AHCTF1: variants seen among roughly 807,000 people sequenced by gnomAD.
The protein encoded by AHCTF1 is AT-hook containing transcription factor 1, also known as protein ELYS.
Under a neutral mutation model 248.4 loss-of-function variants are expected in AHCTF1, and 24 were observed. That is an observed-to-expected ratio of 0.10 (90% confidence interval 0.07 to 0.14). AHCTF1 has a LOEUF of 0.14. AHCTF1 is among the 10% of genes least tolerant of loss of function. AHCTF1 has a pLI of 1.00. For missense variants in AHCTF1, 2,206 were observed against 2,636.2 expected (o/e 0.84, Z 3.57); for synonymous variants, 786 against 929.8 (o/e 0.85, Z 2.81).
chr1:246,907,231 T>C (rs1211094374), intron 5 of AHCTF1, among the ~76,000 whole-genome samples: 2 of 152,214 alleles, frequency 1.3e-5, no homozygotes, highest in Non-Finnish European at 2.9e-5. Flanking sequence ...ATGAGACCCC[T>C]TTCTTACATA....
intron 15 of AHCTF1, 134 bp from the exon 16 acceptor site, chr1:246,891,194 T>C (rs1005419352): frequency 1.9e-6 from 1 of 531,186 alleles, no homozygotes; most frequent in Admixed American, 4.1e-5. Context: ...GTTCAAGATA[T>C]ATGTATCTCT....
At chr1:246,931,338 T>C (rs1400022896) in intron 1 of AHCTF1, 3 of 1,543,002 alleles carry the variant, frequency 1.9e-6, no homozygotes, top group Non-Finnish European at 2.6e-6. Flanking sequence ...GTGCCGCCGC[T>C]CCTCCGGTCC....
At chr1:246,882,040 C>CA (rs1476040402) in intron 21 of AHCTF1, among the ~76,000 whole-genome samples, 2 of 146,994 alleles carry the variant, frequency 1.4e-5, no homozygotes, top group Non-Finnish European at 3.0e-5. Flanking sequence ...CTCTGTCGCC[C>CA]AGGCTGGAGT....
chr1:246,923,553 T>G (rs1047114944), intron 1 of AHCTF1, among the ~76,000 whole-genome samples: 1 of 152,090 alleles, frequency 6.6e-6, no homozygotes, highest in East Asian at 1.9e-4. Flanking sequence ...GTTCAGCAGA[T>G]GGTAAAAAGC....
At position 246,894,202 on chromosome 1, in the gene AHCTF1, C is replaced by CA. The variant is rs572018579; in HGVS notation, c.1804+456dup. On this transcript the variant is annotated intron_variant, in intron 14 of 35. Transcript: ENST00000648844. ...CTGGGCAAAAAGTGAGACCATGTCT[C>CA]AAAAAAAAAAATTACTTTTATCACT... 4.0e-4 allele frequency among the ~76,000 whole-genome samples: 59 copies of CA among 145,824 alleles called. 1 individual carries two copies. The highest frequency in any genetic ancestry group is 8.5e-4 in the African/African-American group (34 of 39,916).
chr1:246,845,206 T>A (rs1306277896), intron 33 of AHCTF1, among the ~76,000 whole-genome samples: 1 of 152,142 alleles, frequency 6.6e-6, no homozygotes, highest in Non-Finnish European at 1.5e-5. Context: ...TAAAAAAATG[T>A]TTTTTGTGGG....
In AHCTF1 at chr1:246,916,130, A is replaced by C. The variant is rs1378707276; in HGVS notation, c.375+12T>G. The C allele has an allele frequency of 1.9e-6, 3 of 1,611,890 alleles. No homozygotes were observed. In the African/African-American group the frequency reaches 4.0e-5, roughly 22 times the overall value. ...GAAAGAGAAATGTCCAGGTATCTTA[A>C]ACAGTACCTACCCTTCCAGGAAGAA... is the stretch of plus-strand genomic sequence containing the variant. On this transcript the variant is annotated intron_variant, in intron 3 of 35. Transcript: ENST00000648844.
intron 24 of AHCTF1, among the ~76,000 whole-genome samples, chr1:246,868,861 T>G (rs1406364482): frequency 2.3e-5 from 3 of 131,366 alleles, no homozygotes; most frequent in East Asian, 4.5e-4. Flanking sequence ...TTTTTTTTTT[T>G]TGAGATGGAG....
chr1:246,908,703 C>T (rs994151480), intron 4 of AHCTF1, among the ~76,000 whole-genome samples: 8 of 143,388 alleles, frequency 5.6e-5, no homozygotes, highest in Admixed American at 3.6e-4. Context: ...CTGGCTAACA[C>T]GGTGAAACCC....
chr1:246,850,099 G>A lies in AHCTF1; in HGVS notation c.5907C>T (p.Ala1969=), dbSNP rs937991613. The A allele has an allele frequency of 1.9e-6, 3 of 1,613,732 alleles. No homozygotes were observed. The African/African-American group carries it at 4.0e-5, about 22-fold the overall frequency. ...TTGGTCTACCACGTTTTCTAGGTAT[G>A]GCAGACATATCAAATTCTGCTTGAA... The part of the protein sequence containing the change: ...LTVQAEFDMS[A]IPRKRGRPRK... The change falls in exon 33 of 36, where the codon GCC becomes GCT. Residue 1969 remains alanine, a synonymous_variant. Transcript: ENST00000648844.
At chr1:246,854,235 CTTGCAGTGAGCCGAGA>C (rs59918343) in intron 31 of AHCTF1, among the ~76,000 whole-genome samples, 35,541 of 148,236 alleles carry the variant, frequency 0.24, 4,414 homozygotes, top group Admixed American at 0.3. Flanking sequence ...GGAGGCGGAG[CTTGCAGTGAGCCGAGA>C]TTGCACCACT....
At chr1:246,864,283 A>AAATT in intron 26 of AHCTF1, 167 bp from the exon 27 acceptor site, 1 of 679,398 alleles carries the variant, frequency 1.5e-6, no homozygotes, top group Non-Finnish European at 2.4e-6. Context: ...AAAAGTCAGA[A>AAATT]AATTATTCAT....
At position 246,876,942 on chromosome 1, in the gene AHCTF1, A is replaced by C; in HGVS notation, c.2937+8T>G. 6.2e-7 allele frequency: 1 copy of C among 1,611,540 alleles called. No individual in the cohort carries two copies. The highest frequency in any genetic ancestry group is 8.5e-7 in the Non-Finnish European group (1 of 1,179,620). On this transcript the variant is annotated splice_region_variant and intron_variant, in intron 23 of 35. Coordinates refer to ENST00000648844, the MANE Select transcript of AHCTF1 (RefSeq NM_001323342.2). ...TTATCCCCCATAATAAGACAACTTT[A>C]ATCGTACCATAACATTAATCTTCAG...
At chr1:246,887,077 CT>C in intron 20 of AHCTF1, 133 bp downstream of exon 20, 1 of 929,338 alleles carries the variant, frequency 1.1e-6, no homozygotes, top group Non-Finnish European at 1.6e-6. Context: ...GGTAAAGGTA[CT>C]GATTAAACTG....
At chr1:246,903,914 T>C (rs1665198521) in intron 7 of AHCTF1, 35 bp downstream of exon 7, 14 of 1,414,478 alleles carry the variant, frequency 9.9e-6, no homozygotes, top group Middle Eastern at 1.8e-4. Context: ...AACAACAAAA[T>C]GGTAATATAA....
chr1:246,908,224 G>A (rs1469253407), intron 4 of AHCTF1, among the ~76,000 whole-genome samples: 2 of 151,566 alleles, frequency 1.3e-5, no homozygotes, highest in African/African-American at 2.4e-5. Context: ...ACAACATGAA[G>A]GGGCTCTCAT....
chr1:246,868,805 C>T (rs965605161), intron 24 of AHCTF1, among the ~76,000 whole-genome samples: 1 of 151,016 alleles, frequency 6.6e-6, no homozygotes, highest in Non-Finnish European at 1.5e-5. Flanking sequence ...ACAGGTCTAC[C>T]TCATTTTATT....
intron 6 of AHCTF1, among the ~76,000 whole-genome samples, chr1:246,904,357 A>G (rs892144264): frequency 1.3e-5 from 2 of 152,194 alleles, no homozygotes; most frequent in Admixed American, 6.5e-5. Context: ...ATGGTTGCCT[A>G]AAGTTCTATA....
intron 24 of AHCTF1, among the ~76,000 whole-genome samples, chr1:246,871,911 A>G (rs534755568): frequency 3.3e-5 from 5 of 152,230 alleles, no homozygotes; most frequent in African/African-American, 1.2e-4. Flanking sequence ...AAGACAACAC[A>G]AACATGTGAA....
Sources: gnomAD v4.1 joint callset for allele counts (sites outside exome capture counted in the v4.1 genomes callset) on GRCh38, gnomAD v4.1.1 for gene constraint, MANE v1.5 for transcripts, NCBI Gene and HGNC (gene_info 2026-07-23, HGNC 2026-07-21) for gene names.